TMEM117: variants seen among roughly 807,000 people sequenced by gnomAD.
TMEM117 encodes transmembrane protein 117.
A neutral mutation model predicts 52.4 loss-of-function variants in TMEM117; 27 were observed. The ratio of observed to expected loss-of-function variants is 0.51; its 90% CI spans 0.38 to 0.71. TMEM117 has a LOEUF of 0.71. TMEM117 is among the 30% of genes least tolerant of loss of function. TMEM117 has a pLI of 0.00. For missense variants in TMEM117, 556 were observed against 630.5 expected (o/e 0.88, Z 1.26); for synonymous variants, 215 against 206.3 (o/e 1.04, Z -0.36).
chr12:44,232,802 C>A (rs1221301664), intron 5 of TMEM117, among the ~76,000 whole-genome samples: 1 of 151,138 alleles, frequency 6.6e-6, no homozygotes, highest in African/African-American at 2.4e-5. Flanking sequence ...TTACATATTC[C>A]TTTATTTGTG....
chr12:43,891,734 T>C (rs1944109578), intron 2 of TMEM117, among the ~76,000 whole-genome samples: 3 of 152,156 alleles, frequency 2.0e-5, no homozygotes, highest in Non-Finnish European at 4.4e-5. Context: ...TCTTATTTTA[T>C]ATAATTTTCT....
chr12:44,313,163 T>C (rs1407625648), intron 6 of TMEM117, among the ~76,000 whole-genome samples: 1 of 152,226 alleles, frequency 6.6e-6, no homozygotes, highest in African/African-American at 2.4e-5. Flanking sequence ...TTTGAGGACT[T>C]AGTCATAAGT....
intron 4 of TMEM117, among the ~76,000 whole-genome samples, chr12:44,207,508 A>G (rs986314159): frequency 2.0e-5 from 3 of 152,162 alleles, no homozygotes; most frequent in East Asian, 3.8e-4. Flanking sequence ...CTGATTTTTA[A>G]TAGCAATTAT....
intron 3 of TMEM117, among the ~76,000 whole-genome samples, chr12:43,994,376 T>C (rs766826733): frequency 2.6e-5 from 4 of 152,200 alleles, no homozygotes; most frequent in Non-Finnish European, 5.9e-5. Flanking sequence ...GAAAAGTCTT[T>C]ATCTTATATT....
At chr12:44,069,280 T>C (rs1012741984) in intron 3 of TMEM117, among the ~76,000 whole-genome samples, 1 of 152,186 alleles carries the variant, frequency 6.6e-6, no homozygotes, top group Non-Finnish European at 1.5e-5. Context: ...ATGGGATTTA[T>C]ATTAATTAAA....
chr12:43,986,554 C>G (rs1168193070), intron 3 of TMEM117, among the ~76,000 whole-genome samples: 1 of 152,114 alleles, frequency 6.6e-6, no homozygotes, highest in Non-Finnish European at 1.5e-5. Context: ...TACAGTACAT[C>G]TAAATGTGGA....
At chr12:44,197,339 G>A (rs1051628239) in intron 4 of TMEM117, among the ~76,000 whole-genome samples, 6 of 151,666 alleles carry the variant, frequency 4.0e-5, no homozygotes, top group South Asian at 2.1e-4. Context: ...ATGGTATATC[G>A]TACATAATTA....
chr12:44,284,550 A>G (rs1344512992), intron 5 of TMEM117, among the ~76,000 whole-genome samples: 2 of 152,236 alleles, frequency 1.3e-5, no homozygotes. Context: ...TAAGAGACAC[A>G]CAGGATTAAC....
intron 3 of TMEM117, among the ~76,000 whole-genome samples, chr12:44,106,772 G>A (rs1459978994): frequency 6.6e-6 from 1 of 151,758 alleles, no homozygotes; most frequent in Non-Finnish European, 1.5e-5. Flanking sequence ...TACAGATATT[G>A]AGTATTTCAC....
In TMEM117 at chr12:44,264,218, T is replaced by C. The variant is rs117092706; in HGVS notation, c.609-35362T>C. Among the ~76,000 whole-genome samples, 371 of 152,330 alleles carry C rather than the reference T, an allele frequency of 2.4e-3. 12 individuals carry two copies. In the East Asian group the frequency reaches 0.036, roughly 15 times the overall value. ...GATCATTGTTTTTCATCTTTGTTGT[T>C]TACCTGGATGATCTCCCACTAGCTG... On this transcript the variant is annotated intron_variant, in intron 5 of 7. Transcript: ENST00000266534.
At chr12:44,198,055 C>G (rs1398577027) in intron 4 of TMEM117, among the ~76,000 whole-genome samples, 1 of 152,186 alleles carries the variant, frequency 6.6e-6, no homozygotes, top group East Asian at 1.9e-4. Flanking sequence ...AAACTTTCAT[C>G]TGCAGTTTCC....
rs199603959 is a variant in TMEM117, at chr12:44,049,270, A to G, written c.411-94255A>G. 1.4e-3 allele frequency among the ~76,000 whole-genome samples: 215 copies of G among 152,310 alleles called. 3 individuals are homozygous for G. The East Asian group carries it at 0.025, about 18-fold the overall frequency. ...TTGAGATCATGTCTTTTGCAGGGAC[A>G]TGGATGAAGCTGGAAGCCATCATCC... On this transcript the variant is annotated intron_variant, in intron 3 of 7. Transcript: ENST00000266534.
intron 3 of TMEM117, among the ~76,000 whole-genome samples, chr12:43,989,865 TTGTGGATCA>T (rs369866291): frequency 3.2e-4 from 48 of 152,274 alleles, no homozygotes; most frequent in African/African-American, 1.1e-3. Context: ...CTGTCTTATC[TTGTGGATCA>T]GTGGCATTTT....
At chr12:43,945,200 A>G (rs941324204) in intron 3 of TMEM117, among the ~76,000 whole-genome samples, 1 of 144,508 alleles carries the variant, frequency 6.9e-6, no homozygotes, top group Admixed American at 6.7e-5. Context: ...TCACTAAGAC[A>G]TGAAATATGT....
At chr12:44,326,357 A>G (rs1177680817) in intron 6 of TMEM117, among the ~76,000 whole-genome samples, 2 of 152,106 alleles carry the variant, frequency 1.3e-5, no homozygotes, top group East Asian at 3.9e-4. Flanking sequence ...TCTGCTTTTT[A>G]TGTTAAGCTG....
intron 6 of TMEM117, among the ~76,000 whole-genome samples, chr12:44,373,173 C>G (rs918733968): frequency 6.6e-6 from 1 of 152,234 alleles, no homozygotes; most frequent in South Asian, 2.1e-4. Flanking sequence ...CTCCCTCCCA[C>G]CTGCATAGCA....
At chr12:44,004,262 G>C (rs1369125565) in intron 3 of TMEM117, among the ~76,000 whole-genome samples, 1 of 152,206 alleles carries the variant, frequency 6.6e-6, no homozygotes, top group Non-Finnish European at 1.5e-5. Flanking sequence ...GGAAAATGGA[G>C]TGCTCTTTTG....
At chr12:43,871,782 A>G (rs929474722) in intron 2 of TMEM117, among the ~76,000 whole-genome samples, 1 of 152,236 alleles carries the variant, frequency 6.6e-6, no homozygotes, top group Non-Finnish European at 1.5e-5. Flanking sequence ...GTATTTTTCA[A>G]ACATTATTGA....
chr12:44,065,747 T>C (rs528055868), intron 3 of TMEM117, among the ~76,000 whole-genome samples: 67 of 152,272 alleles, frequency 4.4e-4, no homozygotes, highest in Non-Finnish European at 7.3e-4. Flanking sequence ...GCAGCAGAGA[T>C]GAGATGAAGA....
Sources: gnomAD v4.1 joint callset for allele counts (sites outside exome capture counted in the v4.1 genomes callset) on GRCh38, gnomAD v4.1.1 for gene constraint, MANE v1.5 for transcripts, NCBI Gene and HGNC (gene_info 2026-07-23, HGNC 2026-07-21) for gene names.